The following DOCK10 variants were observed in gnomAD, a reference collection of about 807,000 sequenced individuals.
DOCK10 encodes the protein dedicator of cytokinesis 10.
Under a neutral mutation model 280.1 loss-of-function variants are expected in DOCK10, and 145 were observed. The observed-to-expected ratio is 0.52, with a 90% CI of 0.45 to 0.59. The LOEUF (loss-of-function observed/expected upper bound fraction) is 0.59, where lower values mean the gene tolerates loss of function less well. Among genes scored for constraint, DOCK10 ranks in the 20% least tolerant of loss-of-function variants. The pLI is 0.00. For missense variants in DOCK10, 2,368 were observed against 2,651.7 expected, an observed-to-expected ratio of 0.89 and a Z score of 2.35; for synonymous variants, 915 against 942.2, an observed-to-expected ratio of 0.97 and a Z score of 0.53.
In DOCK10 at chr2:224,793,901, AC is replaced by A. The variant is rs1205642400; in HGVS notation, c.5155-445del. On this transcript the variant is annotated intron_variant, in intron 45 of 55. Coordinates refer to ENST00000258390, the MANE Select transcript of DOCK10 (RefSeq NM_014689.3). Reference sequence around the variant, plus strand: ...AATTTGTGTTGCCTTTAAAATGGTCACCTCACGAGTACTTGATTGACTAGTG... The same window carrying A: ...AATTTGTGTTGCCTTTAAAATGGTCACTCACGAGTACTTGATTGACTAGTG... Among the ~76,000 whole-genome samples, 3 of 152,240 alleles carry A rather than the reference AC, an allele frequency of 2.0e-5. No homozygotes were observed. In the East Asian group the frequency reaches 5.8e-4, roughly 29 times the overall value.
chr2:224,784,265 A>G (rs1001313067), intron 50 of DOCK10, among the ~76,000 whole-genome samples: 3 of 152,192 alleles, frequency 2.0e-5, no homozygotes, highest in Non-Finnish European at 4.4e-5. Flanking sequence ...CTCCTTCAGA[A>G]AAAACACAGT....
At chr2:224,958,822 A>T (rs1367020927) in intron 1 of DOCK10, among the ~76,000 whole-genome samples, 1 of 152,188 alleles carries the variant, frequency 6.6e-6, no homozygotes, top group African/African-American at 2.4e-5. Flanking sequence ...ATAATTACCA[A>T]TTTGATGTTG....
At chr2:224,883,834 T>C (rs901459718) in intron 7 of DOCK10, among the ~76,000 whole-genome samples, 4 of 152,210 alleles carry the variant, frequency 2.6e-5, no homozygotes, top group Admixed American at 2.6e-4. Context: ...AAGAAAAATA[T>C]TGCATATTAA....
intron 2 of DOCK10, among the ~76,000 whole-genome samples, chr2:224,924,864 C>T (rs114006970): frequency 1.3e-5 from 2 of 152,194 alleles, no homozygotes; most frequent in East Asian, 1.9e-4. Context: ...TTCTAAGAAG[C>T]GTCGGCCAAA....
intron 1 of DOCK10, among the ~76,000 whole-genome samples, chr2:224,935,479 C>T (rs139640618): frequency 3.9e-5 from 6 of 152,264 alleles, no homozygotes; most frequent in South Asian, 2.1e-4. Flanking sequence ...TTCTATGTTA[C>T]GATGCAACAG....
chr2:224,969,836 C>T (rs968831270), intron 1 of DOCK10, among the ~76,000 whole-genome samples: 11 of 152,156 alleles, frequency 7.2e-5, no homozygotes, highest in Admixed American at 1.3e-4. Context: ...AAAAGCAGGC[C>T]GGTTTTAAAG....
chr2:224,827,348 C>T (rs889267596), intron 27 of DOCK10, among the ~76,000 whole-genome samples: 9 of 151,596 alleles, frequency 5.9e-5, no homozygotes, highest in Non-Finnish European at 1.0e-4. Flanking sequence ...GTGGAAGGTG[C>T]AGGGCTCCTG....
At chr2:224,876,324 A>G in intron 7 of DOCK10, 103 bp from the exon 8 acceptor site, 1 of 1,037,494 alleles carries the variant, frequency 9.6e-7, no homozygotes, top group African/African-American at 1.6e-5. Flanking sequence ...CTTTCCATAC[A>G]GATAGATAAC....
At chr2:224,909,941 T>A (rs566867982) in intron 3 of DOCK10, among the ~76,000 whole-genome samples, 1 of 152,250 alleles carries the variant, frequency 6.6e-6, no homozygotes, top group Non-Finnish European at 1.5e-5. Context: ...TCCATTAAAA[T>A]ATGATGTCAT....
chr2:225,019,353 G>C (rs2106096024), intron 1 of DOCK10, among the ~76,000 whole-genome samples: 1 of 151,908 alleles, frequency 6.6e-6, no homozygotes, highest in East Asian at 1.9e-4. Context: ...GGGTTTCCAA[G>C]ATCTGAAACA....
intron 2 of DOCK10, among the ~76,000 whole-genome samples, chr2:224,919,413 TAG>T (rs1053039513): frequency 7.3e-5 from 11 of 150,830 alleles, no homozygotes; most frequent in African/African-American, 1.2e-4. Context: ...TGAATGTGTG[TAG>T]AGTGTGTCTG....
chr2:224,797,491 T>A (rs914172419), intron 42 of DOCK10, among the ~76,000 whole-genome samples: 4 of 152,196 alleles, frequency 2.6e-5, no homozygotes, highest in African/African-American at 9.7e-5. Flanking sequence ...AGGCGGTGGC[T>A]GTATCCACTT....
chr2:225,018,990 AT>A (rs149132721), intron 1 of DOCK10, among the ~76,000 whole-genome samples: 9,645 of 126,548 alleles, frequency 0.076, 367 homozygotes, highest in Middle Eastern at 0.14. Flanking sequence ...ACATATATAG[AT>A]TTTTTTTACA....
chr2:224,853,459 C>T (rs2125555694), intron 16 of DOCK10, among the ~76,000 whole-genome samples: 1 of 152,258 alleles, frequency 6.6e-6, no homozygotes, highest in South Asian at 2.1e-4. Context: ...AAATAATCCA[C>T]CAATCTTTGC....
rs148725406 is a variant in DOCK10, at chr2:225,005,484, C to T, written c.123+36768G>A. Among the ~76,000 whole-genome samples the T allele has an allele frequency of 9.7e-3, 1,484 of 152,310 alleles. 14 individuals are homozygous for T. Among genetic ancestry groups the T allele is most frequent in the Middle Eastern group, 0.014 (4 of 294 alleles). On this transcript the variant is annotated intron_variant, in intron 1 of 55. Coordinates refer to ENST00000258390, the MANE Select transcript of DOCK10 (RefSeq NM_014689.3). ...TGATTTTTGCCAAATCATAGTATTA[C>T]CTGTTAGTATATACTTAACAAAATC...
Position 225,042,101 on chromosome 2 carries a change from G to C in DOCK10, c.123+151C>G. 1.0e-6 allele frequency: 1 copy of C among 989,248 alleles called. No homozygotes were observed. The highest frequency in any genetic ancestry group is 1.3e-6 in the Non-Finnish European group (1 of 773,706). The allele number at this position is 989,248 out of a possible 1,614,324, so 61.3% of individuals were successfully genotyped here. A position where few individuals can be genotyped will look rare whatever the true frequency, so the allele number is the denominator to read the frequency against. ...CTGCCTCGCTGAGGTGGCGCCGGGG[G>C]AGCCCGCAGAGGCGGCGGGGGAGGG... is the stretch of plus-strand genomic sequence containing the variant. On this transcript the variant is annotated intron_variant, in intron 1 of 55. Coordinates refer to ENST00000258390, the MANE Select transcript of DOCK10 (RefSeq NM_014689.3). The surrounding 1 kb of genome is among the most constrained non-coding windows in gnomAD (Gnocchi z 5.1).
In DOCK10 at chr2:224,872,134, C is replaced by A. The variant is rs138414112; in HGVS notation, c.1257+1862G>T. Among the ~76,000 whole-genome samples, 22 of 152,288 alleles carry A rather than the reference C, an allele frequency of 1.4e-4. No individual in the cohort carries two copies. In the East Asian group the frequency reaches 4.2e-3, roughly 29 times the overall value. ...AACAGCTTCATTTTTTGACAAGATTCTTATTGGTGACACATTTCCATTTTA... is the reference window on the plus strand; with the variant it reads ...AACAGCTTCATTTTTTGACAAGATTATTATTGGTGACACATTTCCATTTTA... On this transcript the variant is annotated intron_variant, in intron 11 of 55. Coordinates refer to ENST00000258390, the MANE Select transcript of DOCK10 (RefSeq NM_014689.3).
intron 9 of DOCK10, 88 bp from the exon 10 acceptor site, chr2:224,874,437 G>C: frequency 9.4e-7 from 1 of 1,064,632 alleles, no homozygotes; most frequent in South Asian, 1.4e-5. Flanking sequence ...CAGCCCCTTA[G>C]TATTATCACC....
chr2:224,907,549 G>A (rs2125892558), intron 3 of DOCK10, among the ~76,000 whole-genome samples: 2 of 152,248 alleles, frequency 1.3e-5, no homozygotes, highest in Middle Eastern at 3.4e-3. Flanking sequence ...TTAGCCGGGT[G>A]TGGTGGCGGG....
Sources: gnomAD v4.1 joint callset for allele counts (sites outside exome capture counted in the v4.1 genomes callset) on GRCh38, gnomAD v4.1.1 for gene constraint, Gnocchi (gnomAD v3.1) non-coding constraint, MANE v1.5 for transcripts, NCBI Gene and HGNC (gene_info 2026-07-23, HGNC 2026-07-21) for gene names.